KATNAL1: variants seen among roughly 807,000 people sequenced by gnomAD.
The protein encoded by KATNAL1 is katanin catalytic subunit A1 like 1, also known as katanin p60 ATPase-containing subunit A-like 1.
In KATNAL1, 32 loss-of-function variants were observed where a neutral mutation model predicts 55.2. That is an observed-to-expected ratio of 0.58 (90% CI 0.44 to 0.78). The LOEUF (loss-of-function observed/expected upper bound fraction) is 0.78, where lower values mean the gene tolerates loss of function less well. Among genes scored for constraint, KATNAL1 ranks in the 30% least tolerant of loss-of-function variants. KATNAL1 has a pLI of 0.00. For synonymous variants in KATNAL1, 193 were observed against 193.6 expected (o/e 1.00, Z 0.02); for missense variants, 466 against 600.9 (o/e 0.78, Z 2.35).
chr13:30,211,234 T>C (rs775755312), intron 9 of KATNAL1, among the ~76,000 whole-genome samples: 10 of 152,162 alleles, frequency 6.6e-5, no homozygotes, highest in Non-Finnish European at 1.3e-4. Context: ...GAAAAGAAAA[T>C]CAATGAATAC....
chr13:30,230,637 A>G (rs1876006949), intron 7 of KATNAL1, 43 bp from the exon 8 acceptor site: 3 of 1,443,200 alleles, frequency 2.1e-6, no homozygotes, highest in Admixed American at 4.1e-5. Context: ...TAATCTCATA[A>G]AACAATTGGA....
intron 1 of KATNAL1, chr13:30,296,248 AG>A (rs1208493504): frequency 2.3e-5 from 26 of 1,151,400 alleles, no homozygotes; most frequent in Non-Finnish European, 2.8e-5. Context: ...CAGACTACAA[AG>A]GGAAGTACGT....
chr13:30,239,810 C>T (rs112750837), intron 6 of KATNAL1, among the ~76,000 whole-genome samples: 10,309 of 151,376 alleles, frequency 0.068, 615 homozygotes, highest in East Asian at 0.18. Context: ...CTCAGCCTCC[C>T]GAGTAGCTGG....
chr13:30,226,048 TCAGAGAA>T (rs2137382717), intron 9 of KATNAL1, among the ~76,000 whole-genome samples: 1 of 152,294 alleles, frequency 6.6e-6, no homozygotes, highest in East Asian at 1.9e-4. Flanking sequence ...ACGTAAGTCA[TCAGAGAA>T]ATACCAATTA....
chr13:30,209,259 C>A lies in KATNAL1; in HGVS notation c.1275-521G>T, dbSNP rs192209811. Among the ~76,000 whole-genome samples, 433 of 152,250 alleles carry A rather than the reference C, an allele frequency of 2.8e-3. 2 individuals are homozygous for A. Among genetic ancestry groups the A allele is most frequent in the South Asian group, 0.018 (85 of 4,824 alleles). On this transcript the variant is annotated intron_variant, in intron 10 of 10. Coordinates refer to ENST00000380615, the MANE Select transcript of KATNAL1 (RefSeq NM_032116.5). ...GGCATAAACTCTGGCTTCTCTTGAT[C>A]CCATGTGCAGCTCTCTTTGACCAAC... is the stretch of plus-strand genomic sequence containing the variant.
rs555006267 is a variant in KATNAL1 at position 30,292,944 on chromosome 13, C to T, written c.-14-9153G>A. ...ACTGAAGTCATTTAAATTCCTAATT[C>T]GTTATATATCACTTGTTTTTCCCCT... On this transcript the variant is annotated intron_variant, in intron 1 of 10. Coordinates refer to ENST00000380615, the MANE Select transcript of KATNAL1 (RefSeq NM_032116.5). 3.6e-3 allele frequency among the ~76,000 whole-genome samples: 550 copies of T among 152,210 alleles called. 3 individuals are homozygous for T. Among genetic ancestry groups the T allele is most frequent in the African/African-American group, 0.013 (536 of 41,518 alleles).
At chr13:30,292,408 T>C (rs1882194190) in intron 1 of KATNAL1, among the ~76,000 whole-genome samples, 1 of 151,756 alleles carries the variant, frequency 6.6e-6, no homozygotes, top group Non-Finnish European at 1.5e-5. Context: ...CCAATTCCCA[T>C]GGGGCAATTT....
At chr13:30,227,656 G>A (rs1187600104) in intron 8 of KATNAL1, 110 bp from the exon 9 acceptor site, 1 of 1,185,848 alleles carries the variant, frequency 8.4e-7, no homozygotes, top group Non-Finnish European at 1.2e-6. Context: ...TAAAGAAAGT[G>A]CAGTCCTGAC....
chr13:30,245,760 AAT>A (rs1219614006), intron 4 of KATNAL1, among the ~76,000 whole-genome samples: 2 of 152,132 alleles, frequency 1.3e-5, no homozygotes, highest in East Asian at 3.8e-4. Flanking sequence ...ATACAACAAT[AAT>A]AGAGAGCCAA....
intron 9 of KATNAL1, among the ~76,000 whole-genome samples, chr13:30,211,433 CAGG>C (rs1873677922): frequency 6.6e-6 from 1 of 152,200 alleles, no homozygotes; most frequent in African/African-American, 2.4e-5. Context: ...TCACCCTTAT[CAGG>C]AGATTTAATA....
chr13:30,235,735 T>A (rs7987118), intron 6 of KATNAL1, among the ~76,000 whole-genome samples: 6,609 of 152,190 alleles, frequency 0.043, 494 homozygotes, highest in African/African-American at 0.15. Context: ...CTGATTTACA[T>A]CCTTTGGCTA....
intron 8 of KATNAL1, among the ~76,000 whole-genome samples, chr13:30,228,438 T>C (rs906067775): frequency 2.0e-5 from 3 of 151,954 alleles, no homozygotes; most frequent in African/African-American, 7.2e-5. Context: ...CCTACTTCGG[T>C]CATTATGACA....
chr13:30,283,834 G>T, intron 1 of KATNAL1, 43 bp from the exon 2 acceptor site: 22 of 1,296,592 alleles, frequency 1.7e-5, no homozygotes, highest in South Asian at 6.1e-5. Flanking sequence ...TTTCAGCACT[G>T]ACTTTAAAAC....
chr13:30,255,880 C>T (rs1052758733), intron 3 of KATNAL1, among the ~76,000 whole-genome samples: 4 of 152,134 alleles, frequency 2.6e-5, no homozygotes, highest in Non-Finnish European at 5.9e-5. Flanking sequence ...AATTATTAAT[C>T]ACCAATAGAG....
chr13:30,202,866 CTG>C lies in KATNAL1; in HGVS notation c.*5672_*5673del. 1 of 152,350 alleles carries C rather than the reference CTG, an allele frequency of 6.6e-6. No individual in the cohort carries two copies. Among genetic ancestry groups the C allele is most frequent in the East Asian group, 1.9e-4 (1 of 5,192 alleles). 9.4% of individuals were successfully genotyped at this position (152,350 alleles called of 1,614,324 possible). A position where few individuals can be genotyped will look rare whatever the true frequency, so the allele number is the denominator to read the frequency against. On this transcript the variant is annotated 3_prime_UTR_variant, in exon 11 of 11. Transcript: ENST00000380615. ...TAACATGCAGTGATCCTGCGAGACA[CTG>C]TGTCCACTCACAGCCATGTTAACTG...
chr13:30,249,504 T>A (rs77069679), intron 4 of KATNAL1, among the ~76,000 whole-genome samples: 1,544 of 152,012 alleles, frequency 0.01, 24 homozygotes, highest in African/African-American at 0.034. Context: ...AACCCAAATA[T>A]CCATTAATAA....
chr13:30,239,495 T>TA (rs1420923707), intron 6 of KATNAL1, among the ~76,000 whole-genome samples: 1 of 152,070 alleles, frequency 6.6e-6, no homozygotes, highest in Non-Finnish European at 1.5e-5. Context: ...CATAACCTTT[T>TA]AAAAAAACGT....
At chr13:30,245,677 CCTT>C (rs1877718644) in intron 4 of KATNAL1, among the ~76,000 whole-genome samples, 1 of 152,240 alleles carries the variant, frequency 6.6e-6, no homozygotes, top group East Asian at 1.9e-4. Flanking sequence ...CCCAAAATCT[CCTT>C]AAGCTGATAA....
At chr13:30,221,917 G>A (rs1477566233) in intron 9 of KATNAL1, among the ~76,000 whole-genome samples, 1 of 152,112 alleles carries the variant, frequency 6.6e-6, no homozygotes, top group African/African-American at 2.4e-5. Flanking sequence ...CAGGTGCAGT[G>A]GCACACACCT....
Sources: gnomAD v4.1 joint callset for allele counts (sites outside exome capture counted in the v4.1 genomes callset) on GRCh38, gnomAD v4.1.1 for gene constraint, MANE v1.5 for transcripts, NCBI Gene and HGNC (gene_info 2026-07-23, HGNC 2026-07-21) for gene names.